CPXM2: variants seen among roughly 807,000 people sequenced by gnomAD.
CPXM2 encodes inactive carboxypeptidase-like protein X2.
In CPXM2, 66 loss-of-function variants were observed where a neutral mutation model predicts 86.1. The ratio of observed to expected loss-of-function variants is 0.77; its 90% confidence interval spans 0.63 to 0.94. The LOEUF is 0.94. Ranked by LOEUF, CPXM2 falls within the 40% of genes least tolerant of loss-of-function variation. The pLI is 0.00. For synonymous variants in CPXM2, 388 were observed against 400.2 expected (o/e 0.97, Z 0.36); for missense variants, 948 against 1,026.3 (o/e 0.92, Z 1.04).
rs753631030 is a variant in CPXM2, at chr10:123,880,262, C to T, written c.352G>A (p.Ala118Thr). The stretch of plus-strand genomic sequence containing the variant: ...CGGACACTGTGATCATCGTTGGCAG[C>T]CTTCTCAGAGCTCTTGGTTCTCATA... ...KVMRTKSSEKAANDDHSVRVA... is the reference protein window; with the variant it reads ...KVMRTKSSEKTANDDHSVRVA... The change falls in exon 2 of 14, where the codon GCT becomes ACT. Residue 118 changes from alanine to threonine, a missense_variant. Coordinates refer to ENST00000241305, the MANE Select transcript of CPXM2 (RefSeq NM_198148.3). 3 of 1,601,936 alleles carry T rather than the reference C, an allele frequency of 1.9e-6. No homozygotes were observed. The East Asian group carries it at 6.7e-5, about 36-fold the overall frequency.
At chr10:123,755,203 C>G (rs1564750644) in intron 12 of CPXM2, among the ~76,000 whole-genome samples, 1 of 152,182 alleles carries the variant, frequency 6.6e-6, no homozygotes, top group Non-Finnish European at 1.5e-5. Context: ...TCGGCATGCC[C>G]TCTGAGGCCA....
At chr10:123,779,463 C>A (rs1175731207) in intron 7 of CPXM2, among the ~76,000 whole-genome samples, 1 of 152,180 alleles carries the variant, frequency 6.6e-6, no homozygotes, top group Admixed American at 6.5e-5. Context: ...ATACTAAGAG[C>A]TATGAAGCTA....
At chr10:123,813,914 G>A (rs1847748956) in intron 4 of CPXM2, among the ~76,000 whole-genome samples, 1 of 152,184 alleles carries the variant, frequency 6.6e-6, no homozygotes, top group South Asian at 2.1e-4. Flanking sequence ...GTGTTGTGCA[G>A]CATGACTGTG....
chr10:123,757,503 G>T, intron 11 of CPXM2, 151 bp from the exon 12 acceptor site: 1 of 664,450 alleles, frequency 1.5e-6, no homozygotes, highest in Non-Finnish European at 2.6e-6. Flanking sequence ...ACAAAAATTT[G>T]CATTAGAGCA....
chr10:123,940,485 G>A (rs1232998774), upstream of CPXM2, among the ~76,000 whole-genome samples: 1 of 152,102 alleles, frequency 6.6e-6, no homozygotes, highest in African/African-American at 2.4e-5. Context: ...CCCAAGCCTG[G>A]GAATCACTCA....
intron 6 of CPXM2, among the ~76,000 whole-genome samples, chr10:123,785,247 C>T (rs1248711306): frequency 1.3e-5 from 2 of 152,210 alleles, no homozygotes; most frequent in Non-Finnish European, 2.9e-5. Context: ...AACGATCCTA[C>T]AGGTTTGGAA....
chr10:123,789,854 C>T (rs941919157), intron 6 of CPXM2, among the ~76,000 whole-genome samples: 8 of 151,974 alleles, frequency 5.3e-5, no homozygotes, highest in Admixed American at 2.0e-4. Flanking sequence ...TGCGGTGGCT[C>T]ACACCTGTAA....
chr10:123,842,851 C>T (rs762883708), intron 3 of CPXM2, among the ~76,000 whole-genome samples: 1 of 152,126 alleles, frequency 6.6e-6, no homozygotes, highest in Non-Finnish European at 1.5e-5. Flanking sequence ...CCCAGAACCT[C>T]GCCATCTAGG....
intron 3 of CPXM2, among the ~76,000 whole-genome samples, chr10:123,862,298 A>C (rs964625959): frequency 6.6e-6 from 1 of 152,250 alleles, no homozygotes; most frequent in Non-Finnish European, 1.5e-5. Context: ...GCCATGCCCC[A>C]GGCATTCCAC....
intron 4 of CPXM2, among the ~76,000 whole-genome samples, chr10:123,814,326 C>T (rs1415392515): frequency 6.6e-6 from 1 of 152,138 alleles, no homozygotes; most frequent in Non-Finnish European, 1.5e-5. Flanking sequence ...ACCAGACTGG[C>T]CTAGCCTCCC....
At position 123,849,657 on chromosome 10, in the gene CPXM2, C is replaced by T. The variant is rs557123328; in HGVS notation, c.514-7169G>A. Among the ~76,000 whole-genome samples the T allele has an allele frequency of 2.1e-4, 32 of 152,262 alleles. No individual in the cohort carries two copies. The Middle Eastern group carries it at 0.014, about 65-fold the overall frequency. On this transcript the variant is annotated intron_variant, in intron 3 of 13. Coordinates refer to ENST00000241305, the MANE Select transcript of CPXM2 (RefSeq NM_198148.3). ...CGATCTCCTGACCTCAGGTGATCCG[C>T]CTGCTTCAACCTCCCAAAGTGCTGG...
intron 4 of CPXM2, among the ~76,000 whole-genome samples, chr10:123,816,553 T>C (rs988166637): frequency 7.9e-5 from 12 of 152,220 alleles, no homozygotes; most frequent in African/African-American, 2.9e-4. Flanking sequence ...GGAATGACAG[T>C]GGATTATCAT....
chr10:123,893,496 G>A (rs1945305965), upstream of CPXM2, among the ~76,000 whole-genome samples: 1 of 152,180 alleles, frequency 6.6e-6, no homozygotes, highest in African/African-American at 2.4e-5. Flanking sequence ...AGAGGAGGAG[G>A]CTGCTGGTTG....
chr10:123,755,984 G>T (rs1846197203), intron 12 of CPXM2, among the ~76,000 whole-genome samples: 4 of 152,206 alleles, frequency 2.6e-5, no homozygotes, highest in Admixed American at 2.6e-4. Context: ...AGGAAAAACA[G>T]ACTCACACCC....
intron 2 of CPXM2, among the ~76,000 whole-genome samples, chr10:123,901,429 T>TTGTGGGTGTG (rs1945379987): frequency 7.2e-6 from 1 of 138,956 alleles, no homozygotes; most frequent in Non-Finnish European, 1.5e-5. Context: ...CCAAGCAAGT[T>TTGTGGGTGTG]TGTGTGTGTG....
At chr10:123,788,989 C>T (rs183394231) in intron 6 of CPXM2, among the ~76,000 whole-genome samples, 4 of 152,138 alleles carry the variant, frequency 2.6e-5, no homozygotes, top group African/African-American at 9.6e-5. Flanking sequence ...ACAATGCCAG[C>T]CTCCCACCCA....
At chr10:123,917,416 G>A (rs1945542094) in intron 2 of CPXM2, among the ~76,000 whole-genome samples, 1 of 152,198 alleles carries the variant, frequency 6.6e-6, no homozygotes, top group African/African-American at 2.4e-5. Context: ...AAAGACATCA[G>A]GGAGTTGGAG....
intron 3 of CPXM2, among the ~76,000 whole-genome samples, chr10:123,856,199 A>C (rs1358700045): frequency 6.6e-6 from 1 of 152,202 alleles, no homozygotes; most frequent in Non-Finnish European, 1.5e-5. Context: ...TGACATCCTG[A>C]GTCCCAACCA....
chr10:123,749,268 G>A (rs1286471072), intron 13 of CPXM2, among the ~76,000 whole-genome samples: 1 of 152,148 alleles, frequency 6.6e-6, no homozygotes, highest in Non-Finnish European at 1.5e-5. Flanking sequence ...TTGGAAGTTG[G>A]TTTAAATACC....
Sources: allele counts gnomAD v4.1 joint callset (sites outside exome capture counted in the v4.1 genomes callset), GRCh38; gene constraint gnomAD v4.1.1; transcripts MANE v1.5; gene names NCBI Gene and HGNC (gene_info 2026-07-23, HGNC 2026-07-21).